ASIC2: variants seen among roughly 807,000 people sequenced by gnomAD.
ASIC2 encodes the protein acid sensing ion channel subunit 2.
A neutral mutation model predicts 57.3 loss-of-function variants in ASIC2; 25 were observed. That is an observed-to-expected ratio of 0.44 (90% CI 0.32 to 0.61). The LOEUF (loss-of-function observed/expected upper bound fraction) is 0.61, where lower values mean the gene tolerates loss of function less well. ASIC2 is among the 20% of genes least tolerant of loss of function. The pLI, the probability that ASIC2 is intolerant of heterozygous loss-of-function variation, is 0.06. For missense variants in ASIC2, 641 were observed against 738.1 expected (o/e 0.87, Z 1.52); for synonymous variants, 319 against 307.5 (o/e 1.04, Z -0.39).
chr17:33,192,960 G>T (rs375567746), intron 1 of ASIC2, among the ~76,000 whole-genome samples: 1 of 152,104 alleles, frequency 6.6e-6, no homozygotes, highest in African/African-American at 2.4e-5. Flanking sequence ...TCCTGAATTG[G>T]CCATTATTCA....
rs76062291 is a variant in ASIC2, at chr17:33,622,284, T to A, written c.556-510217A>T. Among the ~76,000 whole-genome samples the A allele has an allele frequency of 3.1e-3, 473 of 152,196 alleles. 3 individuals are homozygous for A. Among genetic ancestry groups the A allele is most frequent in the Non-Finnish European group, 3.9e-3 (263 of 68,012 alleles). ...AAGTTTGGAGTAGAATTCTTCAAGA[T>A]GGAGAAGCCAGGGCAAAGGAAAGCA... On this transcript the variant is annotated intron_variant, in intron 1 of 9. Transcript: ENST00000359872.
At chr17:33,078,757 GTTGA>G (rs1237724331) in intron 3 of ASIC2, among the ~76,000 whole-genome samples, 2 of 152,182 alleles carry the variant, frequency 1.3e-5, no homozygotes, top group African/African-American at 2.4e-5. Flanking sequence ...TGATTGATTG[GTTGA>G]TTGATTGGCT....
Position 33,079,748 on chromosome 17 carries a change from C to G in ASIC2, c.987+9115G>C, listed in dbSNP as rs370516247. ...ACAGCTAGCATCATTTGGGCACTTA[C>G]GGTATGCCAACTGTTCTATGGGTAT... On this transcript the variant is annotated intron_variant, in intron 3 of 9. Transcript: ENST00000225823. 2.0e-5 allele frequency among the ~76,000 whole-genome samples: 3 copies of G among 152,062 alleles called. 1 individual carries two copies. The South Asian group carries it at 6.2e-4, about 32-fold the overall frequency.
intron 1 of ASIC2, among the ~76,000 whole-genome samples, chr17:33,331,660 C>A (rs927109316): frequency 6.6e-6 from 1 of 152,140 alleles, no homozygotes; most frequent in Non-Finnish European, 1.5e-5. Context: ...TAATAGTAAG[C>A]CAAACCCATA....
At chr17:33,297,834 A>G (rs576526252), upstream of ASIC2, among the ~76,000 whole-genome samples, 139 of 139,818 alleles carry the variant, frequency 9.9e-4, 1 homozygote, top group African/African-American at 4.2e-3. Flanking sequence ...AAATAAATAA[A>G]TAAATAAATA....
Position 33,733,295 on chromosome 17 carries a change from G to A in ASIC2, c.555+422683C>T, listed in dbSNP as rs750103012. ...CTAATATTTGCCTTAGCCTTAGAGA[G>A]CTGTATTTGCACGGGTTCCTAATGG... On this transcript the variant is annotated intron_variant, in intron 1 of 9. Transcript: ENST00000359872. Among the ~76,000 whole-genome samples the A allele has an allele frequency of 2.6e-5, 4 of 152,292 alleles. No homozygotes were observed. The East Asian group carries it at 5.8e-4, about 22-fold the overall frequency.
At chr17:33,793,974 T>C (rs957854773) in intron 1 of ASIC2, 1 of 152,166 alleles carries the variant, frequency 6.6e-6, no homozygotes, top group Non-Finnish European at 1.5e-5. Flanking sequence ...ACAGAGACAG[T>C]AAAACTTAAG....
At chr17:33,989,022 A>G (rs9912511) in intron 1 of ASIC2, among the ~76,000 whole-genome samples, 36,628 of 151,964 alleles carry the variant, frequency 0.24, 5,119 homozygotes, top group African/African-American at 0.38. Context: ...TTTTTCCTGC[A>G]ATTTCTCCTT....
intron 1 of ASIC2, among the ~76,000 whole-genome samples, chr17:34,021,679 T>G (rs914214676): frequency 6.6e-6 from 1 of 152,134 alleles, no homozygotes; most frequent in African/African-American, 2.4e-5. Flanking sequence ...AGATCAGCGT[T>G]GAGTTTGCCA....
chr17:33,752,202 T>C (rs1026961245), intron 1 of ASIC2, among the ~76,000 whole-genome samples: 2 of 152,040 alleles, frequency 1.3e-5, no homozygotes, highest in East Asian at 1.9e-4. Context: ...GTCGGCCCTT[T>C]CAAACAGAAA....
chr17:33,726,516 A>C (rs934899750), intron 1 of ASIC2, among the ~76,000 whole-genome samples: 2 of 152,204 alleles, frequency 1.3e-5, no homozygotes, highest in Non-Finnish European at 2.9e-5. Flanking sequence ...ACCACAAGGC[A>C]GCCTGCACCC....
chr17:33,543,938 G>A (rs1915500855), intron 1 of ASIC2, among the ~76,000 whole-genome samples: 1 of 152,188 alleles, frequency 6.6e-6, no homozygotes, highest in South Asian at 2.1e-4. Context: ...AGTACATTTT[G>A]AGAAAGTATA....
chr17:33,618,623 C>T (rs1301321773), intron 1 of ASIC2, among the ~76,000 whole-genome samples: 3 of 152,306 alleles, frequency 2.0e-5, no homozygotes, highest in Non-Finnish European at 2.9e-5. Flanking sequence ...CTGCCACTTA[C>T]GCTGTGGACA....
chr17:33,861,355 T>C (rs1298551947), intron 1 of ASIC2, among the ~76,000 whole-genome samples: 16 of 152,218 alleles, frequency 1.1e-4, no homozygotes, highest in Admixed American at 1.0e-3. Context: ...AATGCTTTTT[T>C]TCACATTTAT....
At chr17:33,961,048 T>A (rs1904904109) in intron 1 of ASIC2, among the ~76,000 whole-genome samples, 1 of 152,188 alleles carries the variant, frequency 6.6e-6, no homozygotes, top group Admixed American at 6.5e-5. Context: ...GTCAGCCAGC[T>A]AGGCATGAGA....
rs144177377 is a variant in ASIC2 at position 34,143,276 on chromosome 17, C to T, written c.555+12702G>A. On this transcript the variant is annotated intron_variant, in intron 1 of 9. Transcript: ENST00000359872. ...AGTCACTAAGCTTCTCTGAGCCTAACCTATGTTCAACTGTGAAATAGACAT... is the reference window on the plus strand; with the variant it reads ...AGTCACTAAGCTTCTCTGAGCCTAATCTATGTTCAACTGTGAAATAGACAT... 4.2e-4 allele frequency among the ~76,000 whole-genome samples: 64 copies of T among 152,304 alleles called. No individual in the cohort carries two copies. In the East Asian group the frequency reaches 0.011, roughly 27 times the overall value.
chr17:33,862,229 CT>C (rs1324126666), intron 1 of ASIC2, among the ~76,000 whole-genome samples: 1 of 152,168 alleles, frequency 6.6e-6, no homozygotes, highest in African/African-American at 2.4e-5. Context: ...GCAAAACCTT[CT>C]TTTAATATTT....
intron 1 of ASIC2, among the ~76,000 whole-genome samples, chr17:33,495,283 C>T (rs1056670856): frequency 3.3e-5 from 5 of 152,116 alleles, no homozygotes; most frequent in East Asian, 3.9e-4. Flanking sequence ...GATGGGTACC[C>T]AGGGGATAAC....
intron 1 of ASIC2, among the ~76,000 whole-genome samples, chr17:33,916,156 A>C (rs1486586122): frequency 6.6e-6 from 1 of 151,942 alleles, no homozygotes; most frequent in Non-Finnish European, 1.5e-5. Context: ...CCAACATATG[A>C]GATTTGGTTT....
Sources: allele counts gnomAD v4.1 joint callset (sites outside exome capture counted in the v4.1 genomes callset), GRCh38; gene constraint gnomAD v4.1.1; transcripts MANE v1.5; gene names NCBI Gene and HGNC (gene_info 2026-07-23, HGNC 2026-07-21).